The following ATG7 variants were observed in gnomAD, a reference collection of about 807,000 sequenced individuals.
ATG7 encodes autophagy related 7, also known as ubiquitin-like modifier-activating enzyme ATG7.
A neutral mutation model predicts 82.4 loss-of-function variants in ATG7; 70 were observed. The ratio of observed to expected loss-of-function variants is 0.85; its 90% CI spans 0.70 to 1.04. The LOEUF (loss-of-function observed/expected upper bound fraction) is 1.04. Ranked by LOEUF, ATG7 falls within the 50% of genes least tolerant of loss-of-function variation. ATG7 has a pLI of 0.00. For synonymous variants in ATG7, 287 were observed against 313.0 expected (o/e 0.92, Z 0.88); for missense variants, 792 against 864.3 (o/e 0.92, Z 1.05).
chr3:11,337,059 T>C (rs1210850738), intron 11 of ATG7, among the ~76,000 whole-genome samples: 1 of 152,228 alleles, frequency 6.6e-6, no homozygotes, highest in Non-Finnish European at 1.5e-5. Flanking sequence ...TGGAGGAAGA[T>C]GGCAGACACT....
In ATG7 at chr3:11,333,023, G is replaced by T. The variant is rs1391869968; in HGVS notation, c.819G>T (p.Met273Ile). 1 of 1,577,420 alleles carries T rather than the reference G, an allele frequency of 6.3e-7. No individual in the cohort carries two copies. Among genetic ancestry groups the T allele is most frequent in the Non-Finnish European group, 8.6e-7 (1 of 1,161,158 alleles). Residue 273 changes from methionine (M) to isoleucine (I), a missense_variant, in exon 11 of 21, where the codon ATG becomes ATT. Physicochemically the swap from Met to Ile is conservative, Grantham distance 10 (BLOSUM62 1). Transcript: ENST00000693202. ...VEVVCFRDRT[M>I]QGARDVAHSI... Reference sequence around the variant, plus strand: ...TTGTTTGCTTCCGTGACCGTACCATGCAGGGGGCGAGAGACGTTGCCCACA... The same window carrying T: ...TTGTTTGCTTCCGTGACCGTACCATTCAGGGGGCGAGAGACGTTGCCCACA...
At chr3:11,395,771 T>G (rs923470749) in intron 19 of ATG7, among the ~76,000 whole-genome samples, 2 of 151,808 alleles carry the variant, frequency 1.3e-5, no homozygotes, top group Non-Finnish European at 2.9e-5. Context: ...AAACCCCGTC[T>G]CTACTAAAAA....
intron 20 of ATG7, among the ~76,000 whole-genome samples, chr3:11,547,987 G>A (rs753657011): frequency 1.3e-5 from 2 of 151,912 alleles, no homozygotes; most frequent in Non-Finnish European, 2.9e-5. Context: ...GACTATAGGT[G>A]TGCACCACCA....
downstream of ATG7, chr3:11,558,366 G>A: frequency 2.3e-6 from 2 of 886,642 alleles, no homozygotes; most frequent in Non-Finnish European, 3.3e-6. Context: ...TCATGTTTGA[G>A]GGCCCCCTTG....
chr3:11,486,206 C>CT (rs1057190980), intron 20 of ATG7, among the ~76,000 whole-genome samples: 1 of 152,174 alleles, frequency 6.6e-6, no homozygotes, highest in Non-Finnish European at 1.5e-5. Flanking sequence ...TTTGTGTCCT[C>CT]TTTTATTTCA....
chr3:11,348,316 C>G (rs374248570), intron 14 of ATG7: 2 of 352,166 alleles, frequency 5.7e-6, no homozygotes, highest in African/African-American at 4.2e-5. Flanking sequence ...CGCGGACCTT[C>G]GCAGTGAGTG....
In ATG7 at chr3:11,502,547, C is replaced by T. The variant is rs545368547; in HGVS notation, c.2080-52264C>T. On this transcript the variant is annotated intron_variant, in intron 20 of 20. Coordinates refer to ENST00000693202, the MANE Select transcript of ATG7 (RefSeq NM_001349232.2). ...ATTTCATCCATGTCCCTACAAAGGA[C>T]GTGAACTCATCATTTTTTATGGCTG... 9.2e-5 allele frequency among the ~76,000 whole-genome samples: 14 copies of T among 151,402 alleles called. No individual in the cohort carries two copies. The South Asian group carries it at 2.3e-3, about 25-fold the overall frequency.
intron 19 of ATG7, among the ~76,000 whole-genome samples, chr3:11,400,735 T>C (rs2079758764): frequency 6.6e-6 from 1 of 152,148 alleles, no homozygotes. Context: ...AATAATGTAC[T>C]ATAACCTTCT....
intron 20 of ATG7, among the ~76,000 whole-genome samples, chr3:11,436,609 TG>T (rs1051468734): frequency 1.3e-5 from 2 of 152,210 alleles, no homozygotes; most frequent in African/African-American, 4.8e-5. Flanking sequence ...ATGTACACAG[TG>T]TTCCTAACAC....
intron 20 of ATG7, among the ~76,000 whole-genome samples, chr3:11,505,448 T>C (rs777624002): frequency 4.6e-5 from 7 of 152,226 alleles, no homozygotes; most frequent in Non-Finnish European, 1.0e-4. Flanking sequence ...GATAAAATTA[T>C]AACCTATTAC....
intron 14 of ATG7, among the ~76,000 whole-genome samples, chr3:11,350,409 T>G (rs2075447577): frequency 1.3e-5 from 2 of 152,200 alleles, no homozygotes; most frequent in South Asian, 4.1e-4. Context: ...TTCATGGGTG[T>G]GCAGGTTGGC....
At chr3:11,471,169 C>G (rs975475079) in intron 20 of ATG7, among the ~76,000 whole-genome samples, 12 of 152,108 alleles carry the variant, frequency 7.9e-5, no homozygotes, top group African/African-American at 2.9e-4. Context: ...TCAGGGACTT[C>G]CAAAGGCTGG....
Position 11,556,471 on chromosome 3 carries a change from C to G in ATG7, c.*1628C>G, listed in dbSNP as rs999216531. 3.9e-5 allele frequency: 6 copies of G among 152,712 alleles called. No individual in the cohort carries two copies. The highest frequency in any genetic ancestry group is 5.9e-5 in the Non-Finnish European group (4 of 68,044). The allele number at this position is 152,712 out of a possible 1,614,324, so 9.5% of individuals were successfully genotyped here. On this transcript the variant is annotated 3_prime_UTR_variant, in exon 21 of 21. Transcript: ENST00000693202. Reference sequence around the variant, plus strand: ...CAGGAGTGTCCTCCACCGAGCCGGTCAGCTGTGGGTGGTTTTCCTGTTACG... The same window carrying G: ...CAGGAGTGTCCTCCACCGAGCCGGTGAGCTGTGGGTGGTTTTCCTGTTACG...
intron 14 of ATG7, among the ~76,000 whole-genome samples, chr3:11,355,944 G>A (rs973809410): frequency 6.6e-6 from 1 of 152,104 alleles, no homozygotes; most frequent in African/African-American, 2.4e-5. Context: ...CCATCAACAA[G>A]AGAATCGATA....
chr3:11,509,879 A>G (rs1559776103), intron 20 of ATG7, among the ~76,000 whole-genome samples: 1 of 152,076 alleles, frequency 6.6e-6, no homozygotes, highest in Non-Finnish European at 1.5e-5. Flanking sequence ...CTCCATACTT[A>G]TTTACTGGGT....
chr3:11,436,085 A>C (rs528043107), intron 20 of ATG7, among the ~76,000 whole-genome samples: 1 of 152,184 alleles, frequency 6.6e-6, no homozygotes, highest in African/African-American at 2.4e-5. Context: ...CAACAACAAA[A>C]CCCAGAATAT....
At chr3:11,315,584 GT>G in intron 9 of ATG7, 91 bp downstream of exon 9, 1 of 1,177,526 alleles carries the variant, frequency 8.5e-7, no homozygotes, top group African/African-American at 1.6e-5. Flanking sequence ...ATTCAAACTT[GT>G]TTAGATTTCC....
At position 11,549,677 on chromosome 3, in the gene ATG7, T is replaced by C. The variant is rs959961610; in HGVS notation, c.2080-5134T>C. 4.6e-5 allele frequency among the ~76,000 whole-genome samples: 7 copies of C among 152,216 alleles called. 1 individual carries two copies. On this transcript the variant is annotated intron_variant, in intron 20 of 20. Coordinates refer to ENST00000693202, the MANE Select transcript of ATG7 (RefSeq NM_001349232.2). ...TGTGTGGTTTCTAGTTTGTACCTAT[T>C]CTGAGTAAGACTGCTGCGGACATTC... is the stretch of plus-strand genomic sequence containing the variant.
At chr3:11,525,301 G>T (rs1405481518) in intron 20 of ATG7, among the ~76,000 whole-genome samples, 1 of 151,392 alleles carries the variant, frequency 6.6e-6, no homozygotes, top group Non-Finnish European at 1.5e-5. Flanking sequence ...AAAGTGCTAG[G>T]ATTATAGGTA....
Sources: allele counts gnomAD v4.1 joint callset (sites outside exome capture counted in the v4.1 genomes callset), GRCh38; gene constraint gnomAD v4.1.1; transcripts MANE v1.5; gene names NCBI Gene and HGNC (gene_info 2026-07-23, HGNC 2026-07-21).